The following MICU3 variants were observed in gnomAD, a reference collection of about 807,000 sequenced individuals.
MICU3 encodes the protein calcium uptake protein 3, mitochondrial.
MICU3 carries 62 observed loss-of-function variants against 66.5 expected under a neutral mutation model. That is an observed-to-expected ratio of 0.93 (90% CI 0.76 to 1.15). The LOEUF (loss-of-function observed/expected upper bound fraction) is 1.15, where lower values mean the gene tolerates loss of function less well. MICU3 is among the 50% of genes most tolerant of loss of function. The pLI, the probability that MICU3 is intolerant of heterozygous loss-of-function variation, is 0.00. For missense variants in MICU3, 779 were observed against 664.4 expected (o/e 1.17, Z -1.90); for synonymous variants, 308 against 240.7 (o/e 1.28, Z -2.59).
chr8:17,119,209 T>A (rs1802982162), intron 14 of MICU3, among the ~76,000 whole-genome samples: 2 of 152,180 alleles, frequency 1.3e-5, no homozygotes, highest in Non-Finnish European at 2.9e-5. Context: ...TTGCATAGGA[T>A]AACTTGCTAG....
At chr8:17,089,378 TTA>T (rs1165174910) in intron 7 of MICU3, among the ~76,000 whole-genome samples, 2 of 152,096 alleles carry the variant, frequency 1.3e-5, no homozygotes, top group Admixed American at 1.3e-4. Context: ...AGGTTTTATT[TTA>T]TATTACTTTA....
chr8:17,105,264 C>G, intron 10 of MICU3, 149 bp from the exon 11 acceptor site: 1 of 534,184 alleles, frequency 1.9e-6, no homozygotes. Context: ...TCTTTTCATT[C>G]TCATTTACAG....
At chr8:17,109,504 G>GA (rs1286023593) in intron 11 of MICU3, among the ~76,000 whole-genome samples, 1 of 151,752 alleles carries the variant, frequency 6.6e-6, no homozygotes, top group Non-Finnish European at 1.5e-5. Context: ...GAAGAGAGAT[G>GA]AAAAAAAATT....
intron 13 of MICU3, among the ~76,000 whole-genome samples, chr8:17,117,937 T>C (rs1043354457): frequency 6.6e-6 from 1 of 152,150 alleles, no homozygotes; most frequent in Non-Finnish European, 1.5e-5. Context: ...AGAGAAAAAG[T>C]TATATATCCA....
chr8:17,126,582 T>C (rs190972380), downstream of MICU3, among the ~76,000 whole-genome samples: 197 of 152,308 alleles, frequency 1.3e-3, 1 homozygote, highest in East Asian at 0.03. Flanking sequence ...TGAGCTGTTA[T>C]TGAACTATTA....
intron 7 of MICU3, among the ~76,000 whole-genome samples, 173 bp downstream of exon 7, chr8:17,087,208 T>C (rs1799566952): frequency 6.6e-6 from 1 of 152,096 alleles, no homozygotes; most frequent in Admixed American, 6.6e-5. Flanking sequence ...GATATCAATA[T>C]TTACTTCAAA....
chr8:17,056,404 T>C (rs908162143), intron 1 of MICU3, among the ~76,000 whole-genome samples: 1 of 152,216 alleles, frequency 6.6e-6, no homozygotes, highest in Non-Finnish European at 1.5e-5. Flanking sequence ...GTCTGGCTTC[T>C]TGTTCCCTCC....
intron 4 of MICU3, among the ~76,000 whole-genome samples, chr8:17,079,733 G>A (rs1374333249): frequency 6.6e-6 from 1 of 151,768 alleles, no homozygotes; most frequent in Non-Finnish European, 1.5e-5. Flanking sequence ...GACTCAAACG[G>A]TCCTCTTGCC....
At chr8:17,062,432 C>G (rs935524209) in intron 1 of MICU3, among the ~76,000 whole-genome samples, 1 of 152,194 alleles carries the variant, frequency 6.6e-6, no homozygotes, top group African/African-American at 2.4e-5. Flanking sequence ...GGGAGCGAAA[C>G]TTTTTTTCAG....
intron 13 of MICU3, among the ~76,000 whole-genome samples, chr8:17,118,028 G>A (rs1802849796): frequency 6.6e-6 from 1 of 152,214 alleles, no homozygotes; most frequent in Non-Finnish European, 1.5e-5. Flanking sequence ...TAAAGATGCT[G>A]TGTACTTAAC....
rs962518330 is a variant in MICU3, at chr8:17,064,133, C to T, written c.431C>T (p.Ser144Phe). 12 of 1,613,228 alleles carry T rather than the reference C, an allele frequency of 7.4e-6. No homozygotes were observed. Among genetic ancestry groups the T allele is most frequent in the Non-Finnish European group, 1.0e-5 (12 of 1,179,506 alleles). Residue 144 changes from serine (S) to phenylalanine (F), a missense_variant, in exon 2 of 15, where the codon TCT becomes TTT. Transcript: ENST00000318063. ...GAAGACTTAGACCTTTATGCCACAT[C>T]TCGGGAGAGGCGATTTCGTTTATTT... Reference protein sequence around the residue: ...DIEDLDLYATSRERRFRLFAS... With the variant: ...DIEDLDLYATFRERRFRLFAS...
At position 17,077,763 on chromosome 8, in the gene MICU3, T is replaced by C. The variant is rs1585370223; in HGVS notation, c.568-20T>C. 6.4e-7 allele frequency: 1 copy of C among 1,553,924 alleles called. No individual in the cohort carries two copies. The highest frequency in any genetic ancestry group is 8.9e-7 in the Non-Finnish European group (1 of 1,128,280). On this transcript the variant is annotated intron_variant, in intron 3 of 14. Transcript: ENST00000318063. ...AGTAAGTTGTTTACCAATTCATCAGTAGTATAACTTCTGTCATAGGAATTA... is the reference window on the plus strand; with the variant it reads ...AGTAAGTTGTTTACCAATTCATCAGCAGTATAACTTCTGTCATAGGAATTA...
chr8:17,063,902 A>T lies in MICU3; in HGVS notation c.382-182A>T, dbSNP rs571855808. On this transcript the variant is annotated intron_variant, in intron 1 of 14. Transcript: ENST00000318063. ...ATGATATTTTTTGTAGAATCTTTCG[A>T]ATATTAATTTATTTTATTTATGTGA... Among the ~76,000 whole-genome samples the T allele has an allele frequency of 1.3e-4, 20 of 152,310 alleles. No homozygotes were observed. The East Asian group carries it at 3.9e-3, about 29-fold the overall frequency.
the MICU3 span, among the ~76,000 whole-genome samples, chr8:17,134,505 C>T: frequency 9.2e-5 from 14 of 152,082 alleles, no homozygotes; most frequent in African/African-American, 3.4e-4. Flanking sequence ...AGTGCGGTGG[C>T]ATGATCTCTG....
chr8:17,123,549 A>G (rs997423170), downstream of MICU3, among the ~76,000 whole-genome samples: 14 of 152,116 alleles, frequency 9.2e-5, no homozygotes, highest in Non-Finnish European at 1.9e-4. Context: ...TATATAATGT[A>G]TAGTATTGAG....
intron 9 of MICU3, among the ~76,000 whole-genome samples, chr8:17,100,676 C>T (rs1801179973): frequency 6.6e-6 from 1 of 151,162 alleles, no homozygotes; most frequent in Non-Finnish European, 1.5e-5. Context: ...GTTATTAGCC[C>T]CTCATATTCT....
intron 1 of MICU3, among the ~76,000 whole-genome samples, chr8:17,051,486 A>T (rs2150571014): frequency 6.6e-6 from 1 of 152,350 alleles, no homozygotes; most frequent in South Asian, 2.1e-4. Context: ...GAGATCATCA[A>T]GTGGGTAATT....
the MICU3 span, among the ~76,000 whole-genome samples, chr8:17,136,650 G>T: frequency 6.6e-6 from 1 of 151,956 alleles, no homozygotes; most frequent in African/African-American, 2.4e-5. Flanking sequence ...ACCCTGTCCA[G>T]CTACTGCTGC....
At chr8:17,049,225 G>A (rs766806043) in intron 1 of MICU3, among the ~76,000 whole-genome samples, 2 of 152,150 alleles carry the variant, frequency 1.3e-5, no homozygotes, top group South Asian at 2.1e-4. Context: ...CAGGAAGACC[G>A]AGGGAAGGGT....
Sources: allele counts gnomAD v4.1 joint callset (sites outside exome capture counted in the v4.1 genomes callset), GRCh38; gene constraint gnomAD v4.1.1; transcripts MANE v1.5; gene names NCBI Gene and HGNC (gene_info 2026-07-23, HGNC 2026-07-21).